Variants in SVIP observed in about 807,000 individuals in gnomAD.
SVIP encodes small VCP interacting protein, also known as small VCP/p97-interacting protein.
Under a neutral mutation model 12.9 loss-of-function variants are expected in SVIP, and 14 were observed. The ratio of observed to expected loss-of-function variants is 1.08; its 90% CI spans 0.72 to 1.70. SVIP has a LOEUF of 1.70. Ranked by LOEUF, SVIP falls within the 40% of genes most tolerant of loss-of-function variation. SVIP has a pLI of 0.00. For synonymous variants in SVIP, 35 were observed against 33.3 expected, an observed-to-expected ratio of 1.05 and a Z score of -0.17; for missense variants, 93 against 90.8, an observed-to-expected ratio of 1.02 and a Z score of -0.10.
intron 2 of SVIP, 102 bp downstream of exon 2, chr11:22,827,722 A>G: frequency 1.2e-6 from 1 of 844,772 alleles, no homozygotes; most frequent in South Asian, 2.1e-5. Flanking sequence ...TTTTTGGGAT[A>G]TCAAAGGCCA....
At chr11:22,827,066 T>A in intron 3 of SVIP, 141 bp downstream of exon 3, 1 of 633,228 alleles carries the variant, frequency 1.6e-6, no homozygotes, top group Non-Finnish European at 2.8e-6. Context: ...TGGTATTACT[T>A]CCAATATTTA....
At chr11:22,827,985 C>T in intron 1 of SVIP, 111 bp from the exon 2 acceptor site, 1 of 713,308 alleles carries the variant, frequency 1.4e-6, no homozygotes, top group East Asian at 3.2e-5. Flanking sequence ...TCGGTACTGG[C>T]CCTAAATGTC....
At chr11:22,827,353 C>A (rs1209141614) in intron 2 of SVIP, 33 bp from the exon 3 acceptor site, 2 of 1,546,284 alleles carry the variant, frequency 1.3e-6, no homozygotes, top group Admixed American at 2.0e-5. Context: ...AACAGAAAGA[C>A]AACAAAAATC....
chr11:22,827,878 A>G lies in SVIP; in HGVS notation c.55-4T>C, dbSNP rs1857782287. The G allele has an allele frequency of 6.4e-7, 1 of 1,559,418 alleles. No homozygotes were observed. Among genetic ancestry groups the G allele is most frequent in the Non-Finnish European group, 8.7e-7 (1 of 1,152,182 alleles). On this transcript the variant is annotated splice_region_variant and splice_polypyrimidine_tract_variant and intron_variant, in intron 1 of 3. Transcript: ENST00000354193. Reference sequence around the variant, plus strand: ...CAAGCTTTGCTCTTTTCTCTTCCTAAATAAATGTGTAAAAATATGTATTAA... The same window carrying G: ...CAAGCTTTGCTCTTTTCTCTTCCTAGATAAATGTGTAAAAATATGTATTAA...
intron 3 of SVIP, among the ~76,000 whole-genome samples, chr11:22,824,556 A>C (rs1056365991): frequency 1.3e-5 from 2 of 151,056 alleles, no homozygotes; most frequent in Non-Finnish European, 2.9e-5. Flanking sequence ...TTCAACATTA[A>C]AGATTAATCC....
chr11:22,829,165 G>A (rs1857844136), intron 1 of SVIP: 1 of 152,114 alleles, frequency 6.6e-6, no homozygotes, highest in Non-Finnish European at 1.5e-5. Context: ...CTTTTAAAGG[G>A]AGAACGTAAA....
rs1857515642 is a variant in SVIP, at chr11:22,822,293, T to G, written c.*826A>C. 1 of 152,190 alleles carries G rather than the reference T, an allele frequency of 6.6e-6. No individual in the cohort carries two copies. The highest frequency in any genetic ancestry group is 2.4e-5 in the African/African-American group (1 of 41,470). 9.4% of individuals were successfully genotyped at this position (152,190 alleles called of 1,614,324 possible). A position where few individuals can be genotyped will look rare whatever the true frequency, so the allele number is the denominator to read the frequency against. Reference sequence around the variant, plus strand: ...CTGTATAAATCTTATGATCGTTCTCTAATAAGTACACAAGATTAACACTAC... The same window carrying G: ...CTGTATAAATCTTATGATCGTTCTCGAATAAGTACACAAGATTAACACTAC... On this transcript the variant is annotated 3_prime_UTR_variant, in exon 4 of 4. Coordinates refer to ENST00000354193, the MANE Select transcript of SVIP (RefSeq NM_148893.3).
intron 2 of SVIP, 41 bp downstream of exon 2, chr11:22,827,783 C>T (rs765463493): frequency 6.5e-7 from 1 of 1,529,132 alleles, no homozygotes; most frequent in Admixed American, 1.9e-5. Context: ...AAAGTCCAAA[C>T]TCAATTATCT....
chr11:22,821,064 T>TAC lies in SVIP; in HGVS notation c.*2053_*2054dup, dbSNP rs959008279. The TAC allele has an allele frequency of 1.3e-5, 2 of 149,596 alleles. No homozygotes were observed. Among genetic ancestry groups the TAC allele is most frequent in the South Asian group, 2.1e-4 (1 of 4,790 alleles). The allele number at this position is 149,596 out of a possible 1,614,324, so 9.3% of individuals were successfully genotyped here. A position where few individuals can be genotyped will look rare whatever the true frequency, so the allele number is the denominator to read the frequency against. ...GTATGTGCATGTGTGTGTGTGTATA[T>TAC]ACACACACATATATAAATTAGAATT... On this transcript the variant is annotated 3_prime_UTR_variant, in exon 4 of 4. Transcript: ENST00000354193.
chr11:22,824,016 C>T (rs1857576978), intron 3 of SVIP, among the ~76,000 whole-genome samples: 1 of 152,174 alleles, frequency 6.6e-6, no homozygotes, highest in Admixed American at 6.5e-5. Flanking sequence ...TGAGATTACA[C>T]GTGTGAGTGA....
At chr11:22,827,523 T>C (rs1857761462) in intron 2 of SVIP, among the ~76,000 whole-genome samples, 1 of 152,134 alleles carries the variant, frequency 6.6e-6, no homozygotes, top group African/African-American at 2.4e-5. Context: ...CTATACAAAT[T>C]TTCCCCTAAA....
intron 3 of SVIP, among the ~76,000 whole-genome samples, chr11:22,824,953 C>A (rs1021098347): frequency 1.3e-5 from 2 of 152,114 alleles, no homozygotes; most frequent in Non-Finnish European, 2.9e-5. Context: ...GCTGCTATAT[C>A]CTGTACTGAT....
chr11:22,828,344 T>C (rs1857802246), intron 1 of SVIP, among the ~76,000 whole-genome samples: 1 of 152,178 alleles, frequency 6.6e-6, no homozygotes, highest in South Asian at 2.1e-4. Context: ...AAACAGTGAA[T>C]GCTATTTTTC....
chr11:22,826,672 G>A (rs1264244744), intron 3 of SVIP, among the ~76,000 whole-genome samples: 1 of 151,970 alleles, frequency 6.6e-6, no homozygotes, highest in Admixed American at 6.6e-5. Context: ...CATATCTAGG[G>A]AGGTATGTGT....
chr11:22,827,242 C>T lies in SVIP; in HGVS notation c.184G>A (p.Ala62Thr). 1 of 1,610,002 alleles carries T rather than the reference C, an allele frequency of 6.2e-7. No individual in the cohort carries two copies. Among genetic ancestry groups the T allele is most frequent in the Non-Finnish European group, 8.5e-7 (1 of 1,178,482 alleles). ...KKKEKIEKQI[A>T]TSGPPPEGGL... ...CCTTCTGGTGGGGGCCCGGATGTAG[C>T]AATTTGTTTTTCTATTTTTTCCTTT... The change falls in exon 3 of 4, where the codon GCT becomes ACT. Residue 62 changes from alanine to threonine, a missense_variant. Physicochemically the swap from Ala to Thr is moderately conservative, Grantham distance 58 (BLOSUM62 0). Coordinates refer to ENST00000354193, the MANE Select transcript of SVIP (RefSeq NM_148893.3).
At chr11:22,824,441 CACACATATATATATATAT>C (rs1857601570) in intron 3 of SVIP, among the ~76,000 whole-genome samples, 1 of 114,142 alleles carries the variant, frequency 8.8e-6, no homozygotes. Flanking sequence ...TATATACACA[CACACATATATATATATAT>C]ACACATATAT....
At chr11:22,825,287 T>C (rs536349151) in intron 3 of SVIP, among the ~76,000 whole-genome samples, 1 of 152,258 alleles carries the variant, frequency 6.6e-6, no homozygotes, top group South Asian at 2.1e-4. Context: ...TACTTCTGCC[T>C]TGTATTTTTC....
chr11:22,827,289 G>T lies in SVIP; in HGVS notation c.137C>A (p.Ser46Tyr). 6.2e-7 allele frequency: 1 copy of T among 1,602,588 alleles called. No homozygotes were observed. The highest frequency in any genetic ancestry group is 8.5e-7 in the Non-Finnish European group (1 of 1,176,204). The change falls in exon 3 of 4, where the codon TCT becomes TAT. Residue 46 changes from serine to tyrosine, a missense_variant. Ser to Tyr is a moderately radical substitution (Grantham distance 144). Transcript: ENST00000354193. ...CTTTTTCTTTCTCTTTTCTTGCACA[G>T]ATTGAACATCTAAAATTCCCCGAGA... ...AASRGILDVQ[S>Y]VQEKRKKKEK...
At position 22,822,684 on chromosome 11, in the gene SVIP, CA is replaced by C. The variant is rs1440352916; in HGVS notation, c.*434del. The C allele has an allele frequency of 1.3e-5, 2 of 154,876 alleles. No homozygotes were observed. The highest frequency in any genetic ancestry group is 4.8e-5 in the African/African-American group (2 of 41,428). The allele number at this position is 154,876 out of a possible 1,614,324, so 9.6% of individuals were successfully genotyped here. ...ATGATCAGTTTAAAGGCACTAAGTC[CA>C]TAAGTTTAATCAAACATCTTCATAG... On this transcript the variant is annotated 3_prime_UTR_variant, in exon 4 of 4. Coordinates refer to ENST00000354193, the MANE Select transcript of SVIP (RefSeq NM_148893.3).
Sources: gnomAD v4.1 joint callset for allele counts (sites outside exome capture counted in the v4.1 genomes callset) on GRCh38, gnomAD v4.1.1 for gene constraint, MANE v1.5 for transcripts, NCBI Gene and HGNC (gene_info 2026-07-23, HGNC 2026-07-21) for gene names.